Variants in ADAM7 observed in about 807,000 individuals in gnomAD.
ADAM7 encodes the protein disintegrin and metalloproteinase domain-containing protein 7.
ADAM7 carries 97 observed loss-of-function variants against 102.9 expected under a neutral mutation model. That is an observed-to-expected ratio of 0.94 (90% CI 0.80 to 1.12). The LOEUF is 1.12. Among genes scored for constraint, ADAM7 ranks in the 50% most tolerant of loss-of-function variants. The pLI is 0.00. For missense variants in ADAM7, 991 were observed against 908.7 expected (o/e 1.09, Z -1.16); for synonymous variants, 334 against 304.4 (o/e 1.10, Z -1.01).
intron 3 of ADAM7, among the ~76,000 whole-genome samples, chr8:24,454,657 C>T (rs909556291): frequency 1.3e-5 from 2 of 152,140 alleles, no homozygotes; most frequent in African/African-American, 2.4e-5. Flanking sequence ...GTGCGCTGCA[C>T]CCACTGTCCT....
chr8:24,486,417 G>A (rs1820146848), intron 10 of ADAM7, among the ~76,000 whole-genome samples: 1 of 152,166 alleles, frequency 6.6e-6, no homozygotes, highest in Non-Finnish European at 1.5e-5. Flanking sequence ...GTTGTGCAAT[G>A]TGAGACTATA....
chr8:24,492,450 T>C, intron 14 of ADAM7, 45 bp from the exon 15 acceptor site: 1 of 1,331,080 alleles, frequency 7.5e-7, no homozygotes, highest in South Asian at 1.3e-5. Context: ...TGATTCATGA[T>C]AGTCATGCTT....
chr8:24,455,189 T>C (rs1018010580), intron 3 of ADAM7, among the ~76,000 whole-genome samples: 12 of 152,184 alleles, frequency 7.9e-5, no homozygotes, highest in Non-Finnish European at 1.6e-4. Flanking sequence ...AAAATCCATA[T>C]ACCCGCTAAC....
At chr8:24,484,852 C>T (rs1405058860) in intron 9 of ADAM7, among the ~76,000 whole-genome samples, 1 of 130,258 alleles carries the variant, frequency 7.7e-6, no homozygotes, top group East Asian at 2.3e-4. Flanking sequence ...GCTCTGTGTC[C>T]TGGAGAGCAG....
At chr8:24,507,382 T>G (rs1820987354) in intron 20 of ADAM7, 98 bp from the exon 21 acceptor site, 9 of 929,016 alleles carry the variant, frequency 9.7e-6, no homozygotes, top group Non-Finnish European at 1.6e-5. Context: ...CGTGTGTATG[T>G]GCTCATGTGT....
chr8:24,453,993 C>G (rs1335765309), intron 3 of ADAM7, among the ~76,000 whole-genome samples: 2 of 152,180 alleles, frequency 1.3e-5, no homozygotes, highest in Non-Finnish European at 2.9e-5. Context: ...ATGCTGCTGT[C>G]TGATCATTCC....
rs1254006778 is a variant in ADAM7 at position 24,507,486 on chromosome 8, G to A, written c.2215G>A (p.Ala739Thr). 2 of 1,612,054 alleles carry A rather than the reference G, an allele frequency of 1.2e-6. No individual in the cohort carries two copies. Among genetic ancestry groups the A allele is most frequent in the Admixed American group, 1.7e-5 (1 of 59,914 alleles). Residue 739 changes from alanine to threonine, a missense_variant, in exon 21 of 22, where the codon GCA becomes ACA. By Grantham distance (58) the Ala-to-Thr change is moderately conservative (BLOSUM62 0). Transcript: ENST00000175238. The part of the protein sequence containing the change: ...LPEIHFLNKP[A>T]SKDSRGIADP... Reference sequence around the variant, plus strand: ...CATAATTTATTTATTATAGAAACCTGCAAGTAAAGATTCAAGAGGAATCGC... The same window carrying A: ...CATAATTTATTTATTATAGAAACCTACAAGTAAAGATTCAAGAGGAATCGC...
chr8:24,505,739 G>A (rs894455515), intron 20 of ADAM7, among the ~76,000 whole-genome samples: 2 of 152,130 alleles, frequency 1.3e-5, no homozygotes, highest in African/African-American at 4.8e-5. Flanking sequence ...GGAGTTAACA[G>A]AATGCACTTT....
intron 3 of ADAM7, among the ~76,000 whole-genome samples, chr8:24,459,619 C>T (rs540418008): frequency 6.6e-6 from 1 of 152,114 alleles, no homozygotes; most frequent in South Asian, 2.1e-4. Flanking sequence ...CCATGCCTGG[C>T]TAGTTTTTTA....
chr8:24,498,877 A>C (rs1820648969), intron 16 of ADAM7, among the ~76,000 whole-genome samples: 1 of 152,036 alleles, frequency 6.6e-6, no homozygotes, highest in African/African-American at 2.4e-5. Flanking sequence ...AACCAAAAGA[A>C]AAACTTCATT....
intron 7 of ADAM7, among the ~76,000 whole-genome samples, chr8:24,473,600 AT>A (rs1819677206): frequency 6.6e-6 from 1 of 152,202 alleles, no homozygotes; most frequent in Admixed American, 6.6e-5. Flanking sequence ...AAAGATATAG[AT>A]ACCTGTAAGA....
At chr8:24,505,608 T>C (rs568138353) in intron 20 of ADAM7, among the ~76,000 whole-genome samples, 108 of 152,222 alleles carry the variant, frequency 7.1e-4, no homozygotes, top group African/African-American at 2.3e-3. Flanking sequence ...TTTTACCTAT[T>C]ACGTTAATGA....
At chr8:24,495,796 G>A (rs1049629707) in intron 16 of ADAM7, among the ~76,000 whole-genome samples, 6 of 152,192 alleles carry the variant, frequency 3.9e-5, no homozygotes, top group African/African-American at 1.4e-4. Context: ...CTTGGGTGCT[G>A]TTAAATGCAT....
Position 24,500,797 on chromosome 8 carries a change from C to T in ADAM7, c.2010C>T (p.Thr670=), listed in dbSNP as rs148598391. The stretch of plus-strand genomic sequence containing the variant: ...TGTTTCTTCATGTTGCAGATATCAC[C>T]ATCTTGGTTGTTGTGCTTGTCCTGG... ...CEETLHVTNI[T]ILVVVLVLVI... is the part of the protein sequence containing the mutation. The change falls in exon 19 of 22, where the codon ACC becomes ACT. Residue 670 remains threonine, a synonymous_variant. Coordinates refer to ENST00000175238, the MANE Select transcript of ADAM7 (RefSeq NM_003817.4). 1.1e-4 allele frequency: 182 copies of T among 1,612,404 alleles called. No homozygotes were observed. The African/African-American group carries it at 1.7e-3, about 15-fold the overall frequency.
At position 24,441,112 on chromosome 8, in the gene ADAM7, C is replaced by T. The variant is rs779322478; in HGVS notation, c.4C>T (p.Leu2Phe). Residue 2 changes from leucine (L) to phenylalanine (F), a missense_variant, in exon 1 of 22, where the codon CTT becomes TTT. Transcript: ENST00000175238. M[L>F]PGCIFLMILL... ...TCCTCTACCAGAATCACTCAGAATG[C>T]TTCCCGGGTGTATATTCTTGATGAT... 1.9e-6 allele frequency: 3 copies of T among 1,613,738 alleles called. No homozygotes were observed. Among genetic ancestry groups the T allele is most frequent in the Admixed American group, 3.3e-5 (2 of 60,020 alleles).
chr8:24,473,065 A>G (rs1382731531), intron 7 of ADAM7, among the ~76,000 whole-genome samples: 3 of 152,180 alleles, frequency 2.0e-5, no homozygotes, highest in Non-Finnish European at 2.9e-5. Context: ...TAAGTAGTCC[A>G]CAACCTATCA....
In ADAM7 at chr8:24,463,917, A is replaced by G. The variant is rs1218032889; in HGVS notation, c.269A>G (p.Tyr90Cys). The stretch of plus-strand genomic sequence containing the variant: ...GGCTCAAATTACAGTGAAACATTCT[A>G]CTCCATGAAAGGAGAAGCGTTCACC... ...FLGSNYSETF[Y>C]SMKGEAFTRH... Residue 90 changes from tyrosine to cysteine, a missense_variant, in exon 4 of 22, where the codon TAC (tyrosine) becomes TGC (cysteine). Transcript: ENST00000175238. 1.2e-6 allele frequency: 2 copies of G among 1,613,602 alleles called. No individual in the cohort carries two copies. The highest frequency in any genetic ancestry group is 2.2e-5 in the South Asian group (2 of 91,054).
chr8:24,479,338 T>C (rs1819872378), intron 8 of ADAM7, among the ~76,000 whole-genome samples: 1 of 152,194 alleles, frequency 6.6e-6, no homozygotes, highest in African/African-American at 2.4e-5. Context: ...GTTTCCCACC[T>C]GTCCTCCAGG....
intron 3 of ADAM7, among the ~76,000 whole-genome samples, chr8:24,449,061 A>G (rs1585850910): frequency 6.6e-6 from 1 of 152,218 alleles, no homozygotes; most frequent in East Asian, 1.9e-4. Flanking sequence ...ATTGTTGGAC[A>G]TGTGGGTTGG....
Sources: gnomAD v4.1 joint callset for allele counts (sites outside exome capture counted in the v4.1 genomes callset) on GRCh38, gnomAD v4.1.1 for gene constraint, MANE v1.5 for transcripts, NCBI Gene and HGNC (gene_info 2026-07-23, HGNC 2026-07-21) for gene names.